Variants in HNRNPF observed in about 807,000 individuals in gnomAD.
The protein encoded by HNRNPF is heterogeneous nuclear ribonucleoprotein F.
A neutral mutation model predicts 26.0 loss-of-function variants in HNRNPF; 2 were observed. The observed-to-expected ratio is 0.08, with a 90% confidence interval of 0.03 to 0.24. The LOEUF (loss-of-function observed/expected upper bound fraction) is 0.24, where lower values mean the gene tolerates loss of function less well. HNRNPF is among the 10% of genes least tolerant of loss of function. The pLI is 1.00. For synonymous variants in HNRNPF, 234 were observed against 211.5 expected, an observed-to-expected ratio of 1.11 and a Z score of -0.92; for missense variants, 299 against 539.2, an observed-to-expected ratio of 0.55 and a Z score of 4.41.
rs12571990 is a variant in HNRNPF, at chr10:43,404,216, G to A, written c.-247+4915C>T. 3.7e-3 allele frequency among the ~76,000 whole-genome samples: 566 copies of A among 150,956 alleles called. 26 individuals carry two copies. In the East Asian group the frequency reaches 0.091, roughly 24 times the overall value. On this transcript the variant is annotated intron_variant, in intron 1 of 3. Transcript: ENST00000682386. Reference sequence around the variant, plus strand: ...CCAGCTGCTCACGAGCCTGAGAATCGCCTGAACCCAGGAGGCGGAGGCTGC... The same window carrying A: ...CCAGCTGCTCACGAGCCTGAGAATCACCTGAACCCAGGAGGCGGAGGCTGC...
intron 2 of HNRNPF, among the ~76,000 whole-genome samples, chr10:43,396,002 T>G (rs1838485347): frequency 1.4e-5 from 2 of 147,530 alleles, no homozygotes; most frequent in Admixed American, 1.4e-4. Context: ...GACCCGGAGG[T>G]TTTCAGATCG....
At chr10:43,389,132 G>T (rs900016176) in intron 3 of HNRNPF, among the ~76,000 whole-genome samples, 3 of 151,914 alleles carry the variant, frequency 2.0e-5, no homozygotes, top group African/African-American at 7.3e-5. Flanking sequence ...CGCCACGCAC[G>T]GCTAATTTTT....
Position 43,386,479 on chromosome 10 carries a change from T to C in HNRNPF, c.*158A>G. 1 of 656,416 alleles carries C rather than the reference T, an allele frequency of 1.5e-6. No homozygotes were observed. The highest frequency in any genetic ancestry group is 2.5e-6 in the Non-Finnish European group (1 of 399,508). The allele number at this position is 656,416 out of a possible 1,614,324, so 40.7% of individuals were successfully genotyped here. ...ATTATCACATGCTAGAAGAAAATTT[T>C]GCATGAGAAAACACTGAAGAGGTAA... On this transcript the variant is annotated 3_prime_UTR_variant, in exon 4 of 4. Transcript: ENST00000682386.
chr10:43,386,407 T>TAC lies in HNRNPF; in HGVS notation c.*228_*229dup, dbSNP rs2131956414. ...TAGATAACATCACTCTGAAGTATAC[T>TAC]ACCAAAATGTTAATTGAGAAAAGCT... On this transcript the variant is annotated 3_prime_UTR_variant, in exon 4 of 4. Transcript: ENST00000682386. 4.2e-6 allele frequency: 2 copies of TAC among 477,326 alleles called. No individual in the cohort carries two copies. Among genetic ancestry groups the TAC allele is most frequent in the East Asian group, 6.8e-5 (2 of 29,284 alleles). 29.6% of individuals were successfully genotyped at this position (477,326 alleles called of 1,614,324 possible).
Position 43,387,078 on chromosome 10 carries a change from G to GT in HNRNPF, c.806_807insA (p.Gly270ArgfsTer4), listed in dbSNP as rs755210151. On this transcript the variant is annotated frameshift_variant, in exon 4 of 4. Transcript: ENST00000682386. LOFTEE classifies it high-confidence loss of function. The surrounding 1 kb of genome is among the most constrained non-coding windows in gnomAD (Gnocchi z 6.0). The stretch of plus-strand genomic sequence containing the variant: ...CGCCGTATCTGTGGTCATACATTCC[G>GT]GAGAGACAGTAGCTGAGGTCTCTCC... 102 of 1,612,920 alleles carry GT rather than the reference G, an allele frequency of 6.3e-5. No homozygotes were observed. The highest frequency in any genetic ancestry group is 8.6e-5 in the Non-Finnish European group (101 of 1,180,000).
chr10:43,390,219 T>C (rs1356253748), intron 3 of HNRNPF, among the ~76,000 whole-genome samples: 2 of 152,198 alleles, frequency 1.3e-5, no homozygotes, highest in East Asian at 3.8e-4. Context: ...TCTCTTGGGA[T>C]AATGGGTCTG....
intron 1 of HNRNPF, among the ~76,000 whole-genome samples, chr10:43,400,159 G>A (rs373360479): frequency 6.6e-6 from 1 of 152,090 alleles, no homozygotes; most frequent in East Asian, 1.9e-4. Context: ...ACCAGCCTGC[G>A]CAGTATAGTG....
intron 1 of HNRNPF, among the ~76,000 whole-genome samples, chr10:43,407,031 C>G (rs890024355): frequency 1.3e-5 from 2 of 152,156 alleles, no homozygotes; most frequent in Admixed American, 1.3e-4. Flanking sequence ...TTTCATCTTA[C>G]TAGGAATTCA....
chr10:43,397,723 C>A (rs1291687387), intron 1 of HNRNPF, among the ~76,000 whole-genome samples: 1 of 152,184 alleles, frequency 6.6e-6, no homozygotes, highest in African/African-American at 2.4e-5. Flanking sequence ...AATCTTAATT[C>A]AAATGAACTG....
At chr10:43,400,467 C>T (rs1359458171) in intron 1 of HNRNPF, among the ~76,000 whole-genome samples, 1 of 152,168 alleles carries the variant, frequency 6.6e-6, no homozygotes, top group Non-Finnish European at 1.5e-5. Flanking sequence ...AAAAATTCCC[C>T]ATCATGGTAT....
chr10:43,387,657 T>G lies in HNRNPF; in HGVS notation c.228A>C (p.Glu76Asp). 6.2e-7 allele frequency: 1 copy of G among 1,614,188 alleles called. No homozygotes were observed. Among genetic ancestry groups the G allele is most frequent in the Non-Finnish European group, 8.5e-7 (1 of 1,180,032 alleles). Residue 76 changes from glutamate (E) to aspartate (D), a missense_variant, in exon 4 of 4, where the codon GAA becomes GAC. Physicochemically the swap from Glu to Asp is conservative, Grantham distance 45. Transcript: ENST00000682386. This position sits in a 1 kb window ranked among gnomAD's most constrained non-coding sequence, Gnocchi z 6.0. ...CCTCAATGTACCGGTGTCCCATGCTTTCCCTGTCTTTTTTCAGGGCCATTT... is the reference window on the plus strand; with the variant it reads ...CCTCAATGTACCGGTGTCCCATGCTGTCCCTGTCTTTTTTCAGGGCCATTT... ...DVKMALKKDR[E>D]SMGHRYIEVF...
At chr10:43,404,864 G>T (rs548550715) in intron 1 of HNRNPF, among the ~76,000 whole-genome samples, 2 of 152,230 alleles carry the variant, frequency 1.3e-5, no homozygotes, top group South Asian at 4.1e-4. Context: ...ACCTCTAGAG[G>T]TAACTATCAC....
intron 1 of HNRNPF, among the ~76,000 whole-genome samples, chr10:43,404,996 T>C (rs1838868484): frequency 6.6e-6 from 1 of 152,132 alleles, no homozygotes; most frequent in Admixed American, 6.6e-5. Flanking sequence ...GGATGGAGCC[T>C]TTTAAGAAAG....
rs1456306287 is a variant in HNRNPF, at chr10:43,385,709, G to T, written c.*928C>A. The T allele has an allele frequency of 6.6e-6, 1 of 152,220 alleles. No homozygotes were observed. Among genetic ancestry groups the T allele is most frequent in the African/African-American group, 2.4e-5 (1 of 41,450 alleles). 9.4% of individuals were successfully genotyped at this position (152,220 alleles called of 1,614,324 possible). On this transcript the variant is annotated 3_prime_UTR_variant, in exon 4 of 4. Coordinates refer to ENST00000682386, the MANE Select transcript of HNRNPF (RefSeq NM_001098204.2). ...AACTAAAGTTCTCCAGCTATCAACA[G>T]ATGTGACTCCAGCATCAAGGGCCTA...
At chr10:43,390,033 G>C (rs997216639) in intron 3 of HNRNPF, among the ~76,000 whole-genome samples, 1 of 152,194 alleles carries the variant, frequency 6.6e-6, no homozygotes, top group South Asian at 2.1e-4. Flanking sequence ...ACCTTAGAAA[G>C]TAATGGTCTC....
chr10:43,402,032 C>T (rs1214284018), intron 1 of HNRNPF, among the ~76,000 whole-genome samples: 4 of 125,796 alleles, frequency 3.2e-5, no homozygotes, highest in Non-Finnish European at 6.9e-5. Flanking sequence ...TACCACACCT[C>T]AGGTTTCAGG....
intron 1 of HNRNPF, among the ~76,000 whole-genome samples, chr10:43,397,818 A>C (rs760449904): frequency 6.6e-6 from 1 of 152,196 alleles, no homozygotes; most frequent in Non-Finnish European, 1.5e-5. Context: ...ATTATACTGT[A>C]ATTTTATTTC....
intron 1 of HNRNPF, among the ~76,000 whole-genome samples, chr10:43,402,251 T>A (rs1347799446): frequency 6.6e-6 from 1 of 152,174 alleles, no homozygotes. Context: ...GATAAGAGAT[T>A]TGGAGGACAT....
chr10:43,386,645 A>G lies in HNRNPF; in HGVS notation c.1240T>C (p.Tyr414His). Residue 414 changes from tyrosine (Y) to histidine (H), a missense_variant, in exon 4 of 4, where the codon TAT (tyrosine) becomes CAT (histidine). By Grantham distance (83) the Tyr-to-His change is moderately conservative. This residue lies in a region of HNRNPF where 53 missense variants were observed against 72.4 expected (regional missense o/e 0.73). Coordinates refer to ENST00000682386, the MANE Select transcript of HNRNPF (RefSeq NM_001098204.2). ...GYSGQNSMGGYD is the reference protein window; with the variant it reads ...GYSGQNSMGGHD ...AAATGTTCCTAACAAAACTAGTCATAGCCACCCATGCTGTTCTGCCCACTG... is the reference window on the plus strand; with the variant it reads ...AAATGTTCCTAACAAAACTAGTCATGGCCACCCATGCTGTTCTGCCCACTG... 1.3e-6 allele frequency: 2 copies of G among 1,548,796 alleles called. No individual in the cohort carries two copies. The highest frequency in any genetic ancestry group is 1.7e-6 in the Non-Finnish European group (2 of 1,152,630).
Sources: gnomAD v4.1 joint callset for allele counts (sites outside exome capture counted in the v4.1 genomes callset) on GRCh38, gnomAD v4.1.1 for gene constraint, gnomAD v4.1.1 regional missense constraint, Gnocchi (gnomAD v3.1) non-coding constraint, MANE v1.5 for transcripts, NCBI Gene and HGNC (gene_info 2026-07-23, HGNC 2026-07-21) for gene names.